Variants in NRIP1 observed in about 807,000 individuals in gnomAD.
The protein encoded by NRIP1 is nuclear receptor interacting protein 1.
NRIP1 carries 28 observed loss-of-function variants against 75.0 expected under a neutral mutation model. That is an observed-to-expected ratio of 0.37 (90% CI 0.28 to 0.51). NRIP1 has a LOEUF of 0.51. Among genes scored for constraint, NRIP1 ranks in the 20% least tolerant of loss-of-function variants. The pLI is 0.92. For synonymous variants in NRIP1, 526 were observed against 487.6 expected, an observed-to-expected ratio of 1.08 and a Z score of -1.04; for missense variants, 1,435 against 1,343.7, an observed-to-expected ratio of 1.07 and a Z score of -1.06.
intron 1 of NRIP1, chr21:15,051,053 GCCTTT>G: frequency 2.6e-6 from 1 of 382,708 alleles, no homozygotes. Flanking sequence ...GCCCTGCCTT[GCCTTT>G]CCCACAGATA....
chr21:14,973,965 G>A (rs979690358), intron 3 of NRIP1, among the ~76,000 whole-genome samples: 4 of 151,256 alleles, frequency 2.6e-5, no homozygotes, highest in Admixed American at 6.6e-5. Context: ...GATTACAGGC[G>A]TGAACCACCA....
At chr21:14,975,586 C>T (rs141927061) in intron 3 of NRIP1, among the ~76,000 whole-genome samples, 72 of 145,872 alleles carry the variant, frequency 4.9e-4, no homozygotes, top group South Asian at 4.3e-3. Context: ...TACTGTACAC[C>T]GCATTCTAGC....
intron 2 of NRIP1, among the ~76,000 whole-genome samples, chr21:15,042,591 A>C (rs2088981488): frequency 6.6e-6 from 1 of 152,232 alleles, no homozygotes; most frequent in African/African-American, 2.4e-5. Flanking sequence ...CCTCATGAAC[A>C]GGATTAGTAC....
chr21:15,002,080 T>G (rs1262276362), intron 3 of NRIP1: 1 of 152,208 alleles, frequency 6.6e-6, no homozygotes, highest in Non-Finnish European at 1.5e-5. Flanking sequence ...ATTTCCTTTT[T>G]CTTTACTTAG....
In NRIP1 at chr21:14,965,314, C is replaced by G. The variant is rs765430379; in HGVS notation, c.2879G>C (p.Ser960Thr). 3.1e-6 allele frequency: 5 copies of G among 1,613,864 alleles called. No homozygotes were observed. In the African/African-American group the frequency reaches 6.7e-5, roughly 22 times the overall value. Residue 960 changes from serine to threonine, a missense_variant, in exon 4 of 4, where the codon AGT becomes ACT. Physicochemically the swap from Ser to Thr is moderately conservative, Grantham distance 58. Transcript: ENST00000318948. ...SPHRSNSVAD[S>T]KKKGHKNNVT... ...ATTATTTTTGTGTCCTTTCTTTTTA[C>G]TGTCAGCCACAGAGTTACTTCTGTG...
chr21:15,032,891 A>G (rs2088740621), intron 2 of NRIP1, among the ~76,000 whole-genome samples: 1 of 152,204 alleles, frequency 6.6e-6, no homozygotes, highest in African/African-American at 2.4e-5. Context: ...TTGATTTCAA[A>G]TATGGTTCTT....
intron 2 of NRIP1, among the ~76,000 whole-genome samples, chr21:15,015,543 TTATTA>T (rs1352482995): frequency 6.6e-6 from 1 of 152,166 alleles, no homozygotes; most frequent in African/African-American, 2.4e-5. Flanking sequence ...AAAATACATA[TTATTA>T]TATTTGTGCA....
intron 2 of NRIP1, among the ~76,000 whole-genome samples, chr21:15,032,361 TA>T (rs921697799): frequency 5.3e-5 from 8 of 152,354 alleles, no homozygotes; most frequent in Admixed American, 3.9e-4. Flanking sequence ...AAATAGAAGA[TA>T]TTTTTTAAAA....
chr21:14,976,836 TA>T (rs2087085638), intron 3 of NRIP1, among the ~76,000 whole-genome samples: 1 of 152,200 alleles, frequency 6.6e-6, no homozygotes, highest in South Asian at 2.1e-4. Flanking sequence ...TGCAATTAAA[TA>T]CTCCATTAAA....
intron 3 of NRIP1, among the ~76,000 whole-genome samples, chr21:15,003,291 T>C (rs1201740832): frequency 6.6e-6 from 1 of 152,058 alleles, no homozygotes; most frequent in Non-Finnish European, 1.5e-5. Context: ...CTGAAGAAAC[T>C]TATTAGGAGG....
intron 1 of NRIP1, among the ~76,000 whole-genome samples, chr21:15,048,687 TA>T (rs2089139522): frequency 6.6e-6 from 1 of 152,212 alleles, no homozygotes; most frequent in African/African-American, 2.4e-5. Context: ...ATAAAGCAAA[TA>T]AACCTCTCTA....
At chr21:15,039,629 A>C (rs554637424) in intron 2 of NRIP1, among the ~76,000 whole-genome samples, 25 of 152,154 alleles carry the variant, frequency 1.6e-4, no homozygotes, top group Non-Finnish European at 3.5e-4. Flanking sequence ...TACACATACA[A>C]ACTATCTGTA....
intron 1 of NRIP1, among the ~76,000 whole-genome samples, chr21:15,061,121 C>T: frequency 6.6e-6 from 1 of 152,186 alleles, no homozygotes; most frequent in South Asian, 2.1e-4. Flanking sequence ...TCATATCCTG[C>T]AAGACCCTAG....
In NRIP1 at chr21:14,965,638, AGATTCTTT is replaced by A; in HGVS notation, c.2547_2554del (p.Lys850LeufsTer5). 1 of 1,613,274 alleles carries A rather than the reference AGATTCTTT, an allele frequency of 6.2e-7. No homozygotes were observed. The highest frequency in any genetic ancestry group is 1.3e-5 in the African/African-American group (1 of 74,938). ...CTTCCTTTTCTTAGGGACCATGCAA[AGATTCTTT>A]GATTCTAGAAGTGCCATTTCATTAT... On this transcript the variant is annotated frameshift_variant, in exon 4 of 4. Transcript: ENST00000318948. LOFTEE classifies it high-confidence loss of function.
At position 14,965,487 on chromosome 21, in the gene NRIP1, A is replaced by C. The variant is rs745308120; in HGVS notation, c.2706T>G (p.Phe902Leu). ...ATTTAAATTCAAGATCATTTCTGCT[A>C]AATTTCAGCTCTTCCTGGTTAAGCA... ...GSLLNQEELK[F>L]SRNDLEFKYP... is the part of the protein sequence containing the mutation. Residue 902 changes from phenylalanine (F) to leucine (L), a missense_variant, in exon 4 of 4, where the codon TTT becomes TTG. Physicochemically the swap from Phe to Leu is conservative, Grantham distance 22. Coordinates refer to ENST00000318948, the MANE Select transcript of NRIP1 (RefSeq NM_003489.4). 1.9e-6 allele frequency: 3 copies of C among 1,613,836 alleles called. No homozygotes were observed. In the East Asian group the frequency reaches 6.7e-5, roughly 36 times the overall value.
At chr21:14,982,582 C>A (rs937914535) in intron 3 of NRIP1, among the ~76,000 whole-genome samples, 1 of 151,720 alleles carries the variant, frequency 6.6e-6, no homozygotes, top group Non-Finnish European at 1.5e-5. Flanking sequence ...GGTAGTTGTT[C>A]CTCTCTGTGA....
At chr21:15,000,463 AAAAT>A (rs1301859724) in intron 3 of NRIP1, among the ~76,000 whole-genome samples, 4 of 152,168 alleles carry the variant, frequency 2.6e-5, no homozygotes, top group Non-Finnish European at 5.9e-5. Flanking sequence ...ACTCCATCAA[AAAAT>A]AAATAAATAA....
intron 2 of NRIP1, among the ~76,000 whole-genome samples, chr21:15,028,934 C>T (rs1201369214): frequency 6.6e-6 from 1 of 151,972 alleles, no homozygotes; most frequent in Non-Finnish European, 1.5e-5. Context: ...AACTGAGTCC[C>T]TGTTATTCCT....
intron 2 of NRIP1, among the ~76,000 whole-genome samples, chr21:15,014,673 AAGT>A (rs1394656881): frequency 6.6e-6 from 1 of 152,218 alleles, no homozygotes; most frequent in African/African-American, 2.4e-5. Flanking sequence ...TAATCGATAA[AAGT>A]AGCTGCTTCA....
Sources: allele counts gnomAD v4.1 joint callset (sites outside exome capture counted in the v4.1 genomes callset), GRCh38; gene constraint gnomAD v4.1.1; transcripts MANE v1.5; gene names NCBI Gene and HGNC (gene_info 2026-07-23, HGNC 2026-07-21).